Variants in TREM1 observed in about 807,000 individuals in gnomAD.
TREM1 encodes the protein triggering receptor expressed on myeloid cells 1.
A neutral mutation model predicts 22.4 loss-of-function variants in TREM1; 16 were observed. The ratio of observed to expected loss-of-function variants is 0.71; its 90% confidence interval spans 0.48 to 1.08. The LOEUF (loss-of-function observed/expected upper bound fraction) is 1.08. Ranked by LOEUF, TREM1 falls within the 50% of genes least tolerant of loss-of-function variation. TREM1 has a pLI of 0.00. For synonymous variants in TREM1, 110 were observed against 111.6 expected (o/e 0.99, Z 0.09); for missense variants, 283 against 282.9 (o/e 1.00, Z 0.00).
At chr6:41,267,885 AAC>A (rs1320588750), downstream of TREM1, 3 of 398,362 alleles carry the variant, frequency 7.5e-6, no homozygotes, top group African/African-American at 6.2e-5. Flanking sequence ...CTAAAACAAA[AAC>A]ACAGCATGTT....
intron 3 of TREM1, among the ~76,000 whole-genome samples, chr6:41,276,859 A>C (rs1030922465): frequency 2.7e-4 from 41 of 152,120 alleles, no homozygotes; most frequent in South Asian, 2.1e-4. Context: ...AGTGCTATGC[A>C]GGAACATAAT....
At chr6:41,282,816 A>C in intron 1 of TREM1, 65 bp from the exon 2 acceptor site, 1 of 1,402,162 alleles carries the variant, frequency 7.1e-7, no homozygotes, top group Non-Finnish European at 9.7e-7. Context: ...GTGGGGAAAA[A>C]GGAGAGGAGC....
exon 4 of TREM1, chr6:41,267,984 G>A (rs1767374927): frequency 2.5e-6 from 1 of 398,556 alleles, no homozygotes; most frequent in African/African-American, 2.1e-5. Flanking sequence ...TTGAGTTCCA[G>A]CCTGGGAGAA....
chr6:41,276,865 A>G (rs893359173), intron 3 of TREM1, among the ~76,000 whole-genome samples: 2 of 152,104 alleles, frequency 1.3e-5, no homozygotes, highest in African/African-American at 4.8e-5. Flanking sequence ...ATGCAGGAAC[A>G]TAATGTCTAA....
chr6:41,278,328 C>T (rs776044570), intron 3 of TREM1, among the ~76,000 whole-genome samples: 4 of 152,116 alleles, frequency 2.6e-5, no homozygotes, highest in East Asian at 1.9e-4. Flanking sequence ...CCCAGGATAG[C>T]GTCTCAGCTC....
chr6:41,279,113 C>T (rs1259526954), intron 3 of TREM1, among the ~76,000 whole-genome samples: 1 of 152,228 alleles, frequency 6.6e-6, no homozygotes, highest in Non-Finnish European at 1.5e-5. Flanking sequence ...GGGAGAGTGT[C>T]TTAGATTGGC....
chr6:41,281,668 C>A (rs1767926164), intron 2 of TREM1: 1 of 160,338 alleles, frequency 6.2e-6, no homozygotes, highest in African/African-American at 2.4e-5. Flanking sequence ...GGAACTTGAG[C>A]CTGCTTCCCT....
intron 3 of TREM1, chr6:41,279,477 G>T: frequency 1.0e-6 from 1 of 962,966 alleles, no homozygotes; most frequent in Non-Finnish European, 1.2e-6. Flanking sequence ...CAAAGATTAT[G>T]TTCTCTTAAC....
chr6:41,279,581 T>G (rs1340471974), intron 3 of TREM1: 1 of 985,348 alleles, frequency 1.0e-6, no homozygotes, highest in African/African-American at 1.7e-5. Context: ...AATGAGCACT[T>G]TGTTCCCCAA....
chr6:41,272,550 G>T (rs1025262523), downstream of TREM1, among the ~76,000 whole-genome samples: 2 of 152,182 alleles, frequency 1.3e-5, no homozygotes, highest in Admixed American at 1.3e-4. Context: ...TCCACCACCA[G>T]ATATTCTGAC....
chr6:41,270,485 T>TC, downstream of TREM1, among the ~76,000 whole-genome samples: 1 of 135,456 alleles, frequency 7.4e-6, no homozygotes, highest in African/African-American at 3.1e-5. Context: ...ATATATATCT[T>TC]AGCAAGATTC....
rs1213956106 is a variant in TREM1 at position 41,275,905 on chromosome 6, G to T, written c.*220C>A. The T allele has an allele frequency of 1.4e-5, 8 of 573,220 alleles. No homozygotes were observed. Among genetic ancestry groups the T allele is most frequent in the Non-Finnish European group, 2.2e-5 (7 of 320,136 alleles). The allele number at this position is 573,220 out of a possible 1,614,324, so 35.5% of individuals were successfully genotyped here. On this transcript the variant is annotated 3_prime_UTR_variant, in exon 4 of 4. Coordinates refer to ENST00000244709, the MANE Select transcript of TREM1 (RefSeq NM_018643.5). The stretch of plus-strand genomic sequence containing the variant: ...GAATGAAGGACCAAGCATGTTTGGG[G>T]CTGTAACTTCTTTTCTGAGGCACAA...
At chr6:41,269,496 C>T (rs1431503951), downstream of TREM1, among the ~76,000 whole-genome samples, 1 of 152,202 alleles carries the variant, frequency 6.6e-6, no homozygotes, top group Non-Finnish European at 1.5e-5. Context: ...GTCTTCTCTT[C>T]TGCAGTGAAG....
In TREM1 at chr6:41,275,775, G is replaced by A. The variant is rs1446521835; in HGVS notation, c.*350C>T. On this transcript the variant is annotated 3_prime_UTR_variant, in exon 4 of 4. Coordinates refer to ENST00000244709, the MANE Select transcript of TREM1 (RefSeq NM_018643.5). ...GTATGGTCCAGGGCAAAACTGAGCA[G>A]GAGAAGTATCAGGTGTGCCTTCTGC... The A allele has an allele frequency of 1.3e-5, 4 of 312,534 alleles. No homozygotes were observed. Among genetic ancestry groups the A allele is most frequent in the South Asian group, 6.3e-5 (2 of 31,796 alleles). The allele number at this position is 312,534 out of a possible 1,614,324, so 19.4% of individuals were successfully genotyped here. A position where few individuals can be genotyped will look rare whatever the true frequency, so the allele number is the denominator to read the frequency against.
In TREM1 at chr6:41,275,038, GA is replaced by G. The variant is rs1781667985; in HGVS notation, c.*1086del. ...GATTGAAATCTGTGGGAGATTGCAAGACAATCTCCCACAGAGATTGTCTCTG... is the reference window on the plus strand; with the variant it reads ...GATTGAAATCTGTGGGAGATTGCAAGCAATCTCCCACAGAGATTGTCTCTG... On this transcript the variant is annotated 3_prime_UTR_variant, in exon 4 of 4. Coordinates refer to ENST00000244709, the MANE Select transcript of TREM1 (RefSeq NM_018643.5). 1.3e-5 allele frequency among the ~76,000 whole-genome samples: 2 copies of G among 151,654 alleles called. No homozygotes were observed. The highest frequency in any genetic ancestry group is 3.4e-3 in the Middle Eastern group (1 of 294).
Position 41,281,146 on chromosome 6 carries a change from T to G in TREM1, c.414A>C (p.Ser138=). 3 of 1,613,056 alleles carry G rather than the reference T, an allele frequency of 1.9e-6. No individual in the cohort carries two copies. Among genetic ancestry groups the G allele is most frequent in the Non-Finnish European group, 2.5e-6 (3 of 1,179,232 alleles). Residue 138 remains serine (S), a synonymous_variant, in exon 3 of 4, where the codon TCA becomes TCC. Coordinates refer to ENST00000244709, the MANE Select transcript of TREM1 (RefSeq NM_018643.5). The stretch of plus-strand genomic sequence containing the variant: ...AATTCTCATTGGAGCCAGGGGTCCC[T>G]GAAAAACCTGCAAGAAGACACATTG... ...RIRLVVTKGF[S]GTPGSNENST... is the part of the protein sequence containing the mutation.
chr6:41,271,697 C>T (rs990490798), downstream of TREM1, among the ~76,000 whole-genome samples: 2 of 152,182 alleles, frequency 1.3e-5, no homozygotes, highest in Non-Finnish European at 2.9e-5. Context: ...GTAGAGGGAC[C>T]TCCAGCTTCT....
At chr6:41,272,063 T>C (rs1243167675), downstream of TREM1, among the ~76,000 whole-genome samples, 1 of 152,172 alleles carries the variant, frequency 6.6e-6, no homozygotes, top group African/African-American at 2.4e-5. Flanking sequence ...TTGCCCCACA[T>C]ACGCGGTCAC....
intron 2 of TREM1, chr6:41,281,394 G>T: frequency 2.0e-6 from 1 of 500,096 alleles, no homozygotes; most frequent in South Asian, 3.1e-5. Flanking sequence ...AAGGAAAGAA[G>T]AAAAAAAGGG....
Sources: allele counts gnomAD v4.1 joint callset (sites outside exome capture counted in the v4.1 genomes callset), GRCh38; gene constraint gnomAD v4.1.1; transcripts MANE v1.5; gene names NCBI Gene and HGNC (gene_info 2026-07-23, HGNC 2026-07-21).